The following CRHR2 variants were observed in gnomAD, a reference collection of about 807,000 sequenced individuals.
The protein encoded by CRHR2 is corticotropin-releasing hormone receptor 2.
In CRHR2, 53 loss-of-function variants were observed where a neutral mutation model predicts 57.9. The observed-to-expected ratio is 0.92, with a 90% confidence interval of 0.73 to 1.15. The LOEUF (loss-of-function observed/expected upper bound fraction) is 1.15, where lower values mean the gene tolerates loss of function less well. Among genes scored for constraint, CRHR2 ranks in the 50% most tolerant of loss-of-function variants. The probability of loss-of-function intolerance (pLI) is 0.00; values close to 1 mark genes in which losing one functional copy is unlikely to be tolerated. For missense variants in CRHR2, 532 were observed against 542.6 expected (o/e 0.98, Z 0.19); for synonymous variants, 213 against 220.9 (o/e 0.96, Z 0.32).
At chr7:30,693,356 T>C (rs546998354) in intron 1 of CRHR2, among the ~76,000 whole-genome samples, 30 of 152,170 alleles carry the variant, frequency 2.0e-4, no homozygotes, top group African/African-American at 6.5e-4. Context: ...GGCTGGAGAT[T>C]GGGTTAATAT....
chr7:30,689,277 C>A, exon 2 of CRHR2: 1 of 1,550,344 alleles, frequency 6.5e-7, no homozygotes, highest in Non-Finnish European at 8.7e-7. Context: ...CTGGCTCTGC[C>A]CGGCTGCCTA....
In CRHR2 at chr7:30,688,833, C is replaced by T. The variant is rs1419516942; in HGVS notation, c.-167+358G>A. ...CCTTACCAGGAAGTCACACCTGTAG[C>T]CACGGCAACCAGAGAATGTTTACCA... On this transcript the variant is annotated intron_variant, in intron 2 of 13. Coordinates refer to the CRHR2 transcript ENST00000341843. 5 of 466,282 alleles carry T rather than the reference C, an allele frequency of 1.1e-5. No individual in the cohort carries two copies. In the Admixed American group the frequency reaches 1.2e-4, roughly 11 times the overall value. The allele number at this position is 466,282 out of a possible 1,614,324, so 28.9% of individuals were successfully genotyped here.
intron 7 of CRHR2, 117 bp from the exon 8 acceptor site, chr7:30,660,762 C>G: frequency 1.1e-6 from 1 of 947,460 alleles, no homozygotes; most frequent in Non-Finnish European, 1.6e-6. Context: ...CCAGGACTGC[C>G]CCTTCCCAGA....
rs1210660000 is a variant in CRHR2 at position 30,652,904 on chromosome 7, C to G, written c.*556G>C. 6.6e-6 allele frequency: 1 copy of G among 152,572 alleles called. No individual in the cohort carries two copies. The highest frequency in any genetic ancestry group is 1.5e-5 in the Non-Finnish European group (1 of 68,284). 9.5% of individuals were successfully genotyped at this position (152,572 alleles called of 1,614,324 possible). The stretch of plus-strand genomic sequence containing the variant: ...TGGAGCCCCCAAGGCGGGAGGATGG[C>G]TGGGGAGGGGACACAGGAACAAGGG... On this transcript the variant is annotated 3_prime_UTR_variant, in exon 12 of 12. Transcript: ENST00000471646. The surrounding 1 kb of genome is among the most constrained non-coding windows in gnomAD (Gnocchi z 4.4).
chr7:30,655,713 T>C lies in CRHR2; in HGVS notation c.920A>G (p.Lys307Arg), dbSNP rs114387211. ...STTSETIQYR[K>R]AVKATLVLLP... is the part of the protein sequence containing the mutation. ...GAGCACCAGGGTGGCCTTCACTGCC[T>C]TCCTGGGGGCGAGAGGTGGACACAG... The change falls in exon 10 of 12, where the codon AAG (lysine) becomes AGG (arginine). Residue 307 changes from lysine to arginine, a missense_variant and splice_region_variant. Physicochemically the swap from Lys to Arg is conservative, Grantham distance 26 (BLOSUM62 2). Coordinates refer to ENST00000471646, the MANE Select transcript of CRHR2 (RefSeq NM_001883.5). The C allele has an allele frequency of 2.6e-4, 418 of 1,613,268 alleles. No individual in the cohort carries two copies. The African/African-American group carries it at 5.0e-3, about 19-fold the overall frequency.
chr7:30,687,343 G>C (rs255097), upstream of CRHR2, among the ~76,000 whole-genome samples: 50 of 151,918 alleles, frequency 3.3e-4, 1 homozygote, highest in East Asian at 6.4e-3. Context: ...CAAGCGATGC[G>C]GTGGTTGAAT....
chr7:30,662,239 C>G lies in CRHR2; in HGVS notation c.698-23G>C, dbSNP rs768462342. ...TGCCTGAAAGAAGGAAAGACTTGGG[C>G]TGCAGGGGACAGATGGACAGGGACT... is the stretch of plus-strand genomic sequence containing the variant. On this transcript the variant is annotated intron_variant, in intron 6 of 11. Transcript: ENST00000471646. 28 of 1,613,650 alleles carry G rather than the reference C, an allele frequency of 1.7e-5. 1 individual carries two copies. The highest frequency in any genetic ancestry group is 2.3e-5 in the Non-Finnish European group (27 of 1,179,694).
At chr7:30,661,271 G>A (rs1783988376) in intron 7 of CRHR2, among the ~76,000 whole-genome samples, 1 of 152,212 alleles carries the variant, frequency 6.6e-6, no homozygotes, top group Admixed American at 6.5e-5. Flanking sequence ...CTGGACCACA[G>A]GGAGGGGCCA....
rs759727592 is a variant in CRHR2, at chr7:30,662,699, C to A, written c.692G>T (p.Gly231Val). Residue 231 changes from glycine to valine, a missense_variant, in exon 6 of 12, where the codon GGA (glycine) becomes GTA (valine). Coordinates refer to ENST00000471646, the MANE Select transcript of CRHR2 (RefSeq NM_001883.5). Reference sequence around the variant, plus strand: ...GCTGCCCCTGGGACCCTCACACCATCCGATGAAGAGGAAGAGGCACTTGCG... The same window carrying A: ...GCTGCCCCTGGGACCCTCACACCATACGATGAAGAGGAAGAGGCACTTGCG... ...RLRKCLFLFI[G>V]WCIPFPIIVA... is the part of the protein sequence containing the mutation. The A allele has an allele frequency of 2.3e-4, 372 of 1,613,492 alleles. No homozygotes were observed. The highest frequency in any genetic ancestry group is 3.1e-4 in the Non-Finnish European group (363 of 1,179,646).
At chr7:30,654,710 C>A (rs916525972) in intron 11 of CRHR2, 27 of 1,536,184 alleles carry the variant, frequency 1.8e-5, no homozygotes, top group Non-Finnish European at 2.4e-5. Flanking sequence ...GATTGCTTGG[C>A]ACACATCTCT....
intron 2 of CRHR2, among the ~76,000 whole-genome samples, chr7:30,674,366 C>T (rs1011222882): frequency 1.4e-4 from 22 of 152,298 alleles, no homozygotes; most frequent in Admixed American, 4.6e-4. Flanking sequence ...GTGGGCTCGT[C>T]GCCATGACGC....
intron 8 of CRHR2, 143 bp downstream of exon 8, chr7:30,660,430 G>A: frequency 1.3e-6 from 1 of 778,742 alleles, no homozygotes. Context: ...GGCACAGGGT[G>A]GCATGGACAG....
chr7:30,681,579 C>T (rs1784706442), intron 2 of CRHR2, among the ~76,000 whole-genome samples: 1 of 152,186 alleles, frequency 6.6e-6, no homozygotes, highest in South Asian at 2.1e-4. Context: ...AACAATGAAG[C>T]CCTAATGGGG....
In CRHR2 at chr7:30,652,249, C is replaced by A. The variant is rs945494434; in HGVS notation, c.*1211G>T. The A allele has an allele frequency of 6.6e-6, 1 of 152,238 alleles. No individual in the cohort carries two copies. The highest frequency in any genetic ancestry group is 2.4e-5 in the African/African-American group (1 of 41,454). 9.4% of individuals were successfully genotyped at this position (152,238 alleles called of 1,614,324 possible). On this transcript the variant is annotated 3_prime_UTR_variant, in exon 12 of 12. Coordinates refer to ENST00000471646, the MANE Select transcript of CRHR2 (RefSeq NM_001883.5). The surrounding 1 kb of genome is among the most constrained non-coding windows in gnomAD (Gnocchi z 4.4). The stretch of plus-strand genomic sequence containing the variant: ...TGGTCAACTGAGGGGCCATGTCTAC[C>A]CTGCCCACCAGATTCCAGAGCCTTG...
At chr7:30,676,202 G>C (rs1562803737) in intron 2 of CRHR2, among the ~76,000 whole-genome samples, 1 of 152,202 alleles carries the variant, frequency 6.6e-6, no homozygotes, top group Admixed American at 6.5e-5. Flanking sequence ...GGCAGCTCTG[G>C]GGTGTCTGGA....
intron 8 of CRHR2, among the ~76,000 whole-genome samples, chr7:30,657,259 T>TC (rs1351984590): frequency 6.6e-6 from 1 of 152,058 alleles, no homozygotes; most frequent in African/African-American, 2.4e-5. Context: ...CTCTGGATGC[T>TC]CCCCACAAGC....
intron 2 of CRHR2, among the ~76,000 whole-genome samples, chr7:30,678,564 C>T (rs575244627): frequency 6.6e-6 from 1 of 152,170 alleles, no homozygotes; most frequent in South Asian, 2.1e-4. Flanking sequence ...TCTGACCCAG[C>T]CTCCCAAACT....
rs183126542 is a variant in CRHR2 at position 30,669,265 on chromosome 7, C to G, written c.230-1952G>C. 1.2e-4 allele frequency among the ~76,000 whole-genome samples: 18 copies of G among 152,296 alleles called. No individual in the cohort carries two copies. The East Asian group carries it at 3.5e-3, about 29-fold the overall frequency. On this transcript the variant is annotated intron_variant, in intron 2 of 11. Coordinates refer to ENST00000471646, the MANE Select transcript of CRHR2 (RefSeq NM_001883.5). ...GAAGACCTCCTTGATTGCTTCTACT[C>G]TATAGCTCTCTCTCTCCTGAGCACC... is the stretch of plus-strand genomic sequence containing the variant.
At chr7:30,672,288 T>A (rs1784386871) in intron 2 of CRHR2, among the ~76,000 whole-genome samples, 1 of 152,246 alleles carries the variant, frequency 6.6e-6, no homozygotes, top group African/African-American at 2.4e-5. Flanking sequence ...GATTGATCTT[T>A]CACTGACCCC....
Sources: gnomAD v4.1 joint callset for allele counts (sites outside exome capture counted in the v4.1 genomes callset) on GRCh38, gnomAD v4.1.1 for gene constraint, Gnocchi (gnomAD v3.1) non-coding constraint, MANE v1.5 for transcripts, NCBI Gene and HGNC (gene_info 2026-07-23, HGNC 2026-07-21) for gene names.